Variants in ASS1 observed in about 807,000 individuals in gnomAD.
ASS1 encodes argininosuccinate synthase.
Under a neutral mutation model 60.5 loss-of-function variants are expected in ASS1, and 58 were observed. The ratio of observed to expected loss-of-function variants is 0.96; its 90% CI spans 0.78 to 1.19. The LOEUF is 1.19. ASS1 is among the 50% of genes most tolerant of loss of function. ASS1 has a pLI of 0.00. For missense variants in ASS1, 454 were observed against 547.3 expected, an observed-to-expected ratio of 0.83 and a Z score of 1.70; for synonymous variants, 200 against 206.9, an observed-to-expected ratio of 0.97 and a Z score of 0.29.
chr9:130,448,421 C>CGCGCGT (rs1845247420), intron 1 of ASS1, among the ~76,000 whole-genome samples: 1 of 82,534 alleles, frequency 1.2e-5, no homozygotes, highest in African/African-American at 4.9e-5. Flanking sequence ...TGTGTGCGCG[C>CGCGCGT]GCACACACAC....
At position 130,469,042 on chromosome 9, in the gene ASS1, G is replaced by A. The variant is rs574579984; in HGVS notation, c.496-1792G>A. Among the ~76,000 whole-genome samples the A allele has an allele frequency of 1.1e-4, 16 of 152,324 alleles. No homozygotes were observed. In the Middle Eastern group the frequency reaches 0.01, roughly 97 times the overall value. The stretch of plus-strand genomic sequence containing the variant: ...TCTCCTTGCTCCTGGACGGAGGTCC[G>A]CTGAGAAGGGAGGCAAAGGTTCTTT... On this transcript the variant is annotated intron_variant, in intron 6 of 14. Transcript: ENST00000352480.
chr9:130,498,463 T>C (rs1325311318), intron 13 of ASS1, among the ~76,000 whole-genome samples: 2 of 152,204 alleles, frequency 1.3e-5, no homozygotes, highest in Non-Finnish European at 2.9e-5. Context: ...GGGTGATTGA[T>C]TGCTTCGGTC....
chr9:130,478,695 C>T lies in ASS1; in HGVS notation c.689-1021C>T, dbSNP rs557712361. Among the ~76,000 whole-genome samples, 64 of 152,172 alleles carry T rather than the reference C, an allele frequency of 4.2e-4. No homozygotes were observed. The highest frequency in any genetic ancestry group is 1.5e-3 in the African/African-American group (61 of 41,512). ...GCCCCAGCGAAGGCCGATAATAGGA[C>T]CGGGGAGGGAGAGAAAGGGAGAGAG... On this transcript the variant is annotated intron_variant, in intron 9 of 14. Transcript: ENST00000352480. The surrounding 1 kb of genome is among the most constrained non-coding windows in gnomAD (Gnocchi z 4.7).
intron 5 of ASS1, among the ~76,000 whole-genome samples, chr9:130,465,056 A>ATATTTTTTTTTTTTTTTTTT (rs1479147331): frequency 8.3e-6 from 1 of 120,148 alleles, no homozygotes; most frequent in African/African-American, 3.6e-5. Flanking sequence ...ATATATATAT[A>ATATTTTTTTTTTTTTTTTTT]TTTTTTTTTT....
intron 13 of ASS1, among the ~76,000 whole-genome samples, chr9:130,495,470 T>TACACAC (rs777921061): frequency 0.032 from 4,200 of 130,434 alleles, 83 homozygotes; most frequent in Non-Finnish European, 0.041. Flanking sequence ...TACACATACA[T>TACACAC]ATACACACAC....
intron 3 of ASS1, among the ~76,000 whole-genome samples, chr9:130,455,148 C>T (rs1393197724): frequency 1.4e-5 from 2 of 143,558 alleles, no homozygotes; most frequent in Non-Finnish European, 2.9e-5. Context: ...TCCATCCATC[C>T]ATCCATCATT....
At chr9:130,458,263 C>T in intron 3 of ASS1, 138 bp from the exon 4 acceptor site, 1 of 897,506 alleles carries the variant, frequency 1.1e-6, no homozygotes, top group East Asian at 2.5e-5. Flanking sequence ...ATGTCTACTA[C>T]AGATGCAGAA....
intron 11 of ASS1, among the ~76,000 whole-genome samples, chr9:130,484,349 T>C (rs946505463): frequency 6.6e-6 from 1 of 152,072 alleles, no homozygotes; most frequent in Non-Finnish European, 1.5e-5. Context: ...GAGAAGAATT[T>C]GGGCCACAGT....
chr9:130,445,087 C>T (rs1175637099), intron 1 of ASS1, 92 bp downstream of exon 1: 2 of 948,036 alleles, frequency 2.1e-6, no homozygotes, highest in Non-Finnish European at 2.5e-6. Flanking sequence ...AGACGCCCGC[C>T]CCGGGGCCCG....
At chr9:130,455,143 C>CCAT (rs879325169) in intron 3 of ASS1, among the ~76,000 whole-genome samples, 7,610 of 151,662 alleles carry the variant, frequency 0.05, 673 homozygotes, top group African/African-American at 0.17. Flanking sequence ...CATCATCCAT[C>CCAT]CATCCATCCA....
rs1285751671 is a variant in ASS1, at chr9:130,488,558, G to A, written c.839-775G>A. Among the ~76,000 whole-genome samples the A allele has an allele frequency of 4.6e-5, 7 of 152,208 alleles. No individual in the cohort carries two copies. The highest frequency in any genetic ancestry group is 4.1e-4 in the South Asian group (2 of 4,832). On this transcript the variant is annotated intron_variant, in intron 11 of 14. Transcript: ENST00000352480. This position sits in a 1 kb window ranked among gnomAD's most constrained non-coding sequence, Gnocchi z 5.2. The stretch of plus-strand genomic sequence containing the variant: ...AAGACCAGGCATTTCTGTCTCACTC[G>A]GAGATCATCTGTTCCAAGCAGGTTG...
chr9:130,452,538 G>T (rs1041799412), intron 2 of ASS1, among the ~76,000 whole-genome samples: 1 of 152,160 alleles, frequency 6.6e-6, no homozygotes, highest in Non-Finnish European at 1.5e-5. Context: ...CTGCAAATTG[G>T]CCATCCTTGA....
intron 13 of ASS1, among the ~76,000 whole-genome samples, chr9:130,496,735 C>T (rs1043500903): frequency 4.6e-5 from 7 of 152,030 alleles, no homozygotes; most frequent in African/African-American, 1.7e-4. Context: ...TGGCAGGTAA[C>T]GATTGGCCAC....
intron 5 of ASS1, 49 bp downstream of exon 5, chr9:130,464,216 C>T (rs1254445984): frequency 2.5e-6 from 4 of 1,584,396 alleles, no homozygotes; most frequent in South Asian, 1.1e-5. Flanking sequence ...ATCTGCAGCA[C>T]CTGATGGGGA....
rs757342268 is a variant in ASS1, at chr9:130,458,472, G to A, written c.246G>A (p.Leu82=). The A allele has an allele frequency of 4.3e-6, 7 of 1,612,346 alleles. No individual in the cohort carries two copies. The highest frequency in any genetic ancestry group is 3.3e-5 in the South Asian group (3 of 91,014). ...GGCCGGCCATCCAGTCCAGCGCACT[G>A]TATGAGGACCGCTACCTCCTGGGCA... The part of the protein sequence containing the change: ...FIWPAIQSSA[L]YEDRYLLGTS... The change falls in exon 4 of 15, where the codon CTG becomes CTA. Residue 82 remains leucine, a synonymous_variant. Coordinates refer to ENST00000352480, the MANE Select transcript of ASS1 (RefSeq NM_054012.4).
chr9:130,494,803 GGT>G lies in ASS1; in HGVS notation c.971-63_971-62del. The G allele has an allele frequency of 1.3e-6, 2 of 1,597,666 alleles. No homozygotes were observed. Among genetic ancestry groups the G allele is most frequent in the Non-Finnish European group, 1.7e-6 (2 of 1,166,508 alleles). On this transcript the variant is annotated intron_variant, in intron 12 of 14. Coordinates refer to ENST00000352480, the MANE Select transcript of ASS1 (RefSeq NM_054012.4). This position sits in a 1 kb window ranked among gnomAD's most constrained non-coding sequence, Gnocchi z 4.3. ...CATGGGGCACCCTTCCTGTGCCCCAGGTCTCCCTGTGTCCTCGCGGTGCAGGA... is the reference window on the plus strand; with the variant it reads ...CATGGGGCACCCTTCCTGTGCCCCAGCTCCCTGTGTCCTCGCGGTGCAGGA...
chr9:130,457,671 C>A (rs551844844), intron 3 of ASS1, among the ~76,000 whole-genome samples: 1 of 152,000 alleles, frequency 6.6e-6, no homozygotes, highest in African/African-American at 2.4e-5. Flanking sequence ...CAGAATTCCA[C>A]CCCCCACCTG....
rs113836296 is a variant in ASS1, at chr9:130,447,842, T to C, written c.-6+2847T>C. Reference sequence around the variant, plus strand: ...CCAGGAACTTGGCTGAGGTCAGCCATAGCAGCGGTGCACAGAGCTTAGTGG... The same window carrying C: ...CCAGGAACTTGGCTGAGGTCAGCCACAGCAGCGGTGCACAGAGCTTAGTGG... On this transcript the variant is annotated intron_variant, in intron 1 of 14. Coordinates refer to ENST00000352480, the MANE Select transcript of ASS1 (RefSeq NM_054012.4). Among the ~76,000 whole-genome samples, 944 of 152,280 alleles carry C rather than the reference T, an allele frequency of 6.2e-3. 6 individuals carry two copies. The highest frequency in any genetic ancestry group is 0.024 in the Middle Eastern group (7 of 294).
chr9:130,468,689 C>T (rs1845801205), intron 6 of ASS1, among the ~76,000 whole-genome samples: 1 of 152,158 alleles, frequency 6.6e-6, no homozygotes, highest in African/African-American at 2.4e-5. Flanking sequence ...TCCTTGGCCT[C>T]CCCAAAGTAT....
Sources: gnomAD v4.1 joint callset for allele counts (sites outside exome capture counted in the v4.1 genomes callset) on GRCh38, gnomAD v4.1.1 for gene constraint, Gnocchi (gnomAD v3.1) non-coding constraint, MANE v1.5 for transcripts, NCBI Gene and HGNC (gene_info 2026-07-23, HGNC 2026-07-21) for gene names.